The following MID1 variants were observed in gnomAD, a reference collection of about 807,000 sequenced individuals.
MID1 encodes the protein E3 ubiquitin-protein ligase Midline-1.
A neutral mutation model predicts 40.4 loss-of-function variants in MID1; 7 were observed. The observed-to-expected ratio is 0.17, with a 90% CI of 0.10 to 0.33. The LOEUF is 0.33. Among genes scored for constraint, MID1 ranks in the 10% least tolerant of loss-of-function variants. The pLI is 1.00. For missense variants in MID1, 367 were observed against 558.5 expected (o/e 0.66, Z 3.46); for synonymous variants, 229 against 221.2 (o/e 1.04, Z -0.31).
chrX:10,561,993 G>A (rs1934357429), intron 2 of MID1, among the ~76,000 whole-genome samples: 1 of 106,974 alleles, frequency 9.3e-6, no homozygotes, highest in African/African-American at 3.7e-5. Context: ...ATGATAGACT[G>A]GATAAAGAAA....
intron 7 of MID1, among the ~76,000 whole-genome samples, chrX:10,465,210 T>TACACAC (rs1402990604): frequency 4.2e-4 from 26 of 62,033 alleles, no homozygotes; most frequent in African/African-American, 2.3e-3. Context: ...TATATATATA[T>TACACAC]ATATACACAC....
intron 8 of MID1, among the ~76,000 whole-genome samples, chrX:10,456,900 G>A (rs963426654): frequency 3.6e-5 from 4 of 111,703 alleles, no homozygotes; most frequent in African/African-American, 1.3e-4. Flanking sequence ...ACCCTCAAGG[G>A]CTGAGCAGGG....
At chrX:10,789,726 C>G (rs764706606) in intron 1 of MID1, among the ~76,000 whole-genome samples, 1 of 112,042 alleles carries the variant, frequency 8.9e-6, no homozygotes, top group South Asian at 3.8e-4. Flanking sequence ...TGCAATCTTT[C>G]TGGAAGTGGC....
At chrX:10,720,275 G>A (rs1490237846) in intron 1 of MID1, among the ~76,000 whole-genome samples, 1 of 111,504 alleles carries the variant, frequency 9.0e-6, no homozygotes, top group Non-Finnish European at 1.9e-5. Context: ...TACAGAATGG[G>A]AGAAAATTTT....
intron 3 of MID1, chrX:10,501,506 C>G (rs1386990568): frequency 2.6e-6 from 3 of 1,152,847 alleles, no homozygotes; most frequent in Non-Finnish European, 3.4e-6. Flanking sequence ...TTCTCCTATT[C>G]CTAGGGTAAT....
chrX:10,714,385 C>A (rs904859846), intron 1 of MID1, among the ~76,000 whole-genome samples: 2 of 111,487 alleles, frequency 1.8e-5, no homozygotes, highest in Non-Finnish European at 3.8e-5. Flanking sequence ...TATTGAGGAC[C>A]CTCAATCCCA....
At chrX:10,646,157 G>T (rs779520850) in intron 1 of MID1, among the ~76,000 whole-genome samples, 9 of 111,941 alleles carry the variant, frequency 8.0e-5, no homozygotes, top group African/African-American at 2.6e-4. Context: ...GATCTGCTGT[G>T]GGCAGACACA....
intron 1 of MID1, among the ~76,000 whole-genome samples, chrX:10,700,403 T>C (rs917608651): frequency 9.1e-6 from 1 of 110,172 alleles, no homozygotes. Flanking sequence ...AATACAAAAA[T>C]TAGCCGGCCA....
chrX:10,672,719 G>T (rs1391148336), intron 1 of MID1, among the ~76,000 whole-genome samples: 2 of 110,553 alleles, frequency 1.8e-5, no homozygotes, highest in African/African-American at 6.6e-5. Context: ...ATTTTTTTTT[G>T]AGATGGGCAG....
chrX:10,743,006 C>T (rs775138599), intron 1 of MID1, among the ~76,000 whole-genome samples: 2 of 112,802 alleles, frequency 1.8e-5, no homozygotes, highest in South Asian at 7.3e-4. Flanking sequence ...AATATGCTAT[C>T]TTTGCATTTT....
At chrX:10,650,747 C>T (rs1258517597) in intron 1 of MID1, among the ~76,000 whole-genome samples, 2 of 111,626 alleles carry the variant, frequency 1.8e-5, no homozygotes, top group Middle Eastern at 4.2e-3. Context: ...TGTGATTGTC[C>T]CCCTGCCCAC....
intron 1 of MID1, among the ~76,000 whole-genome samples, chrX:10,806,718 G>A (rs1308398920): frequency 8.9e-6 from 1 of 112,099 alleles, no homozygotes; most frequent in Non-Finnish European, 1.9e-5. Context: ...CACATTATCA[G>A]TCAGATATTA....
chrX:10,455,668 T>C (rs376177488), intron 8 of MID1, among the ~76,000 whole-genome samples: 1 of 112,028 alleles, frequency 8.9e-6, no homozygotes, highest in East Asian at 2.8e-4. Flanking sequence ...TCTTAACATA[T>C]AGAATATTCT....
chrX:10,802,156 T>C (rs998660848), intron 1 of MID1, among the ~76,000 whole-genome samples: 2 of 111,240 alleles, frequency 1.8e-5, no homozygotes, highest in African/African-American at 6.5e-5. Flanking sequence ...CACTCCAGCC[T>C]GGCGAAAGAG....
chrX:10,758,533 C>G (rs1316923770), intron 1 of MID1, among the ~76,000 whole-genome samples: 1 of 95,106 alleles, frequency 1.1e-5, no homozygotes, highest in East Asian at 3.3e-4. Flanking sequence ...CTCTGTCGCC[C>G]AGGCTGGAGT....
chrX:10,768,530 T>G (rs1013468842), intron 1 of MID1, among the ~76,000 whole-genome samples: 1 of 111,917 alleles, frequency 8.9e-6, no homozygotes, highest in Non-Finnish European at 1.9e-5. Flanking sequence ...ACATGATTTC[T>G]GGAGCCAACT....
At chrX:10,593,804 C>CACACACA (rs59220831) in intron 1 of MID1, among the ~76,000 whole-genome samples, 4 of 105,752 alleles carry the variant, frequency 3.8e-5, no homozygotes, top group Non-Finnish European at 5.8e-5. Context: ...CACACACACA[C>CACACACA]CACTTTTTCT....
chrX:10,790,260 T>G (rs781696425), intron 1 of MID1, among the ~76,000 whole-genome samples: 1 of 110,431 alleles, frequency 9.1e-6, no homozygotes, highest in South Asian at 4.0e-4. Context: ...CCTCCCAGAC[T>G]TAGCCTCCCA....
intron 7 of MID1, among the ~76,000 whole-genome samples, chrX:10,463,566 T>C (rs1929174271): frequency 8.9e-6 from 1 of 112,683 alleles, no homozygotes; most frequent in Admixed American, 9.4e-5. Flanking sequence ...AGCTATCATG[T>C]AGATAATCCT....
Sources: gnomAD v4.1 joint callset for allele counts (sites outside exome capture counted in the v4.1 genomes callset) on GRCh38, gnomAD v4.1.1 for gene constraint, MANE v1.5 for transcripts, NCBI Gene and HGNC (gene_info 2026-07-23, HGNC 2026-07-21) for gene names.